RAI1: variants seen among roughly 807,000 people sequenced by gnomAD.
RAI1 encodes retinoic acid-induced protein 1.
RAI1 carries 9 observed loss-of-function variants against 123.8 expected under a neutral mutation model. The ratio of observed to expected loss-of-function variants is 0.07; its 90% CI spans 0.04 to 0.13. The LOEUF (loss-of-function observed/expected upper bound fraction) is 0.13, where lower values mean the gene tolerates loss of function less well. Among genes scored for constraint, RAI1 ranks in the 10% least tolerant of loss-of-function variants. The probability of loss-of-function intolerance (pLI) is 1.00; values close to 1 mark genes in which losing one functional copy is unlikely to be tolerated. For synonymous variants in RAI1, 1,231 were observed against 1,127.3 expected, an observed-to-expected ratio of 1.09 and a Z score of -1.84; for missense variants, 2,256 against 2,545.8, an observed-to-expected ratio of 0.89 and a Z score of 2.45.
intron 2 of RAI1, among the ~76,000 whole-genome samples, chr17:17,782,699 G>A (rs2031638440): frequency 6.7e-6 from 1 of 150,266 alleles, no homozygotes; most frequent in African/African-American, 2.4e-5. Flanking sequence ...GAAGGGCGGG[G>A]GCGGGGCTGT....
intron 2 of RAI1, among the ~76,000 whole-genome samples, chr17:17,750,665 A>T (rs1338526228): frequency 7.5e-6 from 1 of 133,444 alleles, no homozygotes; most frequent in Non-Finnish European, 1.6e-5. Flanking sequence ...AGGTGAGCTG[A>T]GATTGCACCA....
chr17:17,796,954 A>G lies in RAI1; in HGVS notation c.4006A>G (p.Ile1336Val). Residue 1336 changes from isoleucine to valine, a missense_variant, in exon 3 of 6, where the codon ATC becomes GTC. Physicochemically the swap from Ile to Val is conservative, Grantham distance 29. Coordinates refer to ENST00000353383, the MANE Select transcript of RAI1 (RefSeq NM_030665.4). This position sits in a 1 kb window ranked among gnomAD's most constrained non-coding sequence, Gnocchi z 5.8. ...GAAGCTGGAAGCCATCGTGCAGAAG[A>G]TCACCTCGCCCAGCCTCAAGAAGTT... Reference protein sequence around the residue: ...GLKLEAIVQKITSPSLKKFAC... With the variant: ...GLKLEAIVQKVTSPSLKKFAC... The G allele has an allele frequency of 6.2e-7, 1 of 1,613,624 alleles. No individual in the cohort carries two copies. Among genetic ancestry groups the G allele is most frequent in the Non-Finnish European group, 8.5e-7 (1 of 1,180,018 alleles).
intron 1 of RAI1, chr17:17,684,650 C>G (rs1914559194): frequency 7.0e-6 from 1 of 143,844 alleles, no homozygotes; most frequent in Non-Finnish European, 1.5e-5. Context: ...TCCTTCCAGA[C>G]TTTTTGTTAC....
intron 1 of RAI1, among the ~76,000 whole-genome samples, chr17:17,711,316 C>T (rs1915560585): frequency 1.3e-5 from 2 of 152,330 alleles, no homozygotes; most frequent in South Asian, 4.1e-4. Flanking sequence ...TCTTTGTGTC[C>T]CCGAGGCATC....
intron 2 of RAI1, among the ~76,000 whole-genome samples, chr17:17,730,143 C>G (rs1916220524): frequency 6.6e-6 from 1 of 152,210 alleles, no homozygotes; most frequent in Admixed American, 6.5e-5. Flanking sequence ...TGCGCTGGGT[C>G]ATCCCTGCAA....
chr17:17,750,577 C>T (rs539576101), intron 2 of RAI1, among the ~76,000 whole-genome samples: 8 of 150,582 alleles, frequency 5.3e-5, no homozygotes, highest in Admixed American at 2.0e-4. Flanking sequence ...CAAAATTAGC[C>T]GGGCATGGTG....
Position 17,798,330 on chromosome 17 carries a change from G to A in RAI1, c.5382G>A (p.Glu1794=), listed in dbSNP as rs755305647. 6.3e-7 allele frequency: 1 copy of A among 1,599,938 alleles called. No individual in the cohort carries two copies. The highest frequency in any genetic ancestry group is 1.1e-5 in the South Asian group (1 of 89,812). ...YCCDGREDGG[E]EAAPADKGRK... ...GTGATGGCCGGGAGGATGGGGGCGA[G>A]GAGGCAGCCCCAGCCGACAAGGGTC... Residue 1794 remains glutamate (E), a synonymous_variant, in exon 3 of 6, where the codon GAG becomes GAA. Transcript: ENST00000353383.
intron 2 of RAI1, among the ~76,000 whole-genome samples, chr17:17,729,623 G>C (rs1300118866): frequency 6.6e-6 from 1 of 152,252 alleles, no homozygotes; most frequent in Admixed American, 6.5e-5. Context: ...ACTGACAAGA[G>C]AGTAAGGAAA....
intron 1 of RAI1, among the ~76,000 whole-genome samples, chr17:17,719,069 C>T (rs1049747655): frequency 6.6e-6 from 1 of 152,186 alleles, no homozygotes; most frequent in Admixed American, 6.5e-5. Context: ...TCTCATCGGC[C>T]CCACCCTGGC....
At chr17:17,768,388 C>T (rs2031019447) in intron 2 of RAI1, among the ~76,000 whole-genome samples, 1 of 152,222 alleles carries the variant, frequency 6.6e-6, no homozygotes, top group South Asian at 2.1e-4. Context: ...TCTGAGGCCA[C>T]TCTTAACAAG....
At position 17,801,020 on chromosome 17, in the gene RAI1, T is replaced by C. The variant is rs1252292484; in HGVS notation, c.5565+2507T>C. Among the ~76,000 whole-genome samples, 2 of 152,180 alleles carry C rather than the reference T, an allele frequency of 1.3e-5. No individual in the cohort carries two copies. The highest frequency in any genetic ancestry group is 2.9e-5 in the Non-Finnish European group (2 of 68,012). On this transcript the variant is annotated intron_variant, in intron 3 of 5. Coordinates refer to ENST00000353383, the MANE Select transcript of RAI1 (RefSeq NM_030665.4). This position sits in a 1 kb window ranked among gnomAD's most constrained non-coding sequence, Gnocchi z 4.1. The stretch of plus-strand genomic sequence containing the variant: ...GTGGAAGGGGCTTGGGGTGCAGCTG[T>C]GTCCCTGGCCCCAGCACTGCCACAC...
rs757905530 is a variant in RAI1, at chr17:17,793,711, T to C, written c.763T>C (p.Ser255Pro). The change falls in exon 3 of 6, where the codon TCC becomes CCC. Residue 255 changes from serine to proline, a missense_variant. Physicochemically the swap from Ser to Pro is moderately conservative, Grantham distance 74. Coordinates refer to ENST00000353383, the MANE Select transcript of RAI1 (RefSeq NM_030665.4). Reference sequence around the variant, plus strand: ...CCATGACAGGCCGCTGACTGCCAGCTCCAGCCTGGCCCCGGGGCAGCGGGT... The same window carrying C: ...CCATGACAGGCCGCTGACTGCCAGCCCCAGCCTGGCCCCGGGGCAGCGGGT... ...QPHDRPLTAS[S>P]SLAPGQRVQN... 2 of 1,612,932 alleles carry C rather than the reference T, an allele frequency of 1.2e-6. No individual in the cohort carries two copies. The highest frequency in any genetic ancestry group is 1.7e-6 in the Non-Finnish European group (2 of 1,180,016).
chr17:17,805,017 C>G (rs1336378680), intron 4 of RAI1, among the ~76,000 whole-genome samples: 1 of 152,148 alleles, frequency 6.6e-6, no homozygotes, highest in Non-Finnish European at 1.5e-5. Context: ...CGTGCACCAC[C>G]ACGCTCAGCT....
At position 17,800,180 on chromosome 17, in the gene RAI1, G is replaced by GTGTCTCTCTCTCTCTCTCTC. The variant is rs1407505001; in HGVS notation, c.5565+1668_5565+1669insGTCTCTCTCTCTCTCTCTCT. Among the ~76,000 whole-genome samples, 11 of 116,318 alleles carry GTGTCTCTCTCTCTCTCTCTC rather than the reference G, an allele frequency of 9.5e-5. No individual in the cohort carries two copies. The highest frequency in any genetic ancestry group is 3.3e-4 in the African/African-American group (11 of 33,338). 76.3% of individuals were successfully genotyped at this position (116,318 alleles called of 152,430 possible). On this transcript the variant is annotated intron_variant, in intron 3 of 5. Transcript: ENST00000353383. This position sits in a 1 kb window ranked among gnomAD's most constrained non-coding sequence, Gnocchi z 4.7. The stretch of plus-strand genomic sequence containing the variant: ...TCTCTCCTGCTTTCTGTCTCTCTCT[G>GTGTCTCTCTCTCTCTCTCTC]TCTCTCTCTCTCTCTCTCTCTCTCT...
At position 17,795,042 on chromosome 17, in the gene RAI1, C is replaced by T; in HGVS notation, c.2094C>T (p.Asp698=). 1.9e-6 allele frequency: 3 copies of T among 1,614,140 alleles called. No individual in the cohort carries two copies. The highest frequency in any genetic ancestry group is 1.1e-5 in the South Asian group (1 of 91,088). Reference sequence around the variant, plus strand: ...CTTCCGTGGCCTTCGCTACGCCTGACCCCAAAAAGACAACTGGTCCTCTCT... The same window carrying T: ...CTTCCGTGGCCTTCGCTACGCCTGATCCCAAAAAGACAACTGGTCCTCTCT... ...EDPSVAFATP[D]PKKTTGPLSF... Residue 698 remains aspartate (D), a synonymous_variant, in exon 3 of 6, where the codon GAC becomes GAT. Transcript: ENST00000353383. This position sits in a 1 kb window ranked among gnomAD's most constrained non-coding sequence, Gnocchi z 5.9.
At chr17:17,683,389 AC>A (rs750516227) in intron 1 of RAI1, among the ~76,000 whole-genome samples, 4 of 151,816 alleles carry the variant, frequency 2.6e-5, no homozygotes, top group Non-Finnish European at 5.9e-5. Context: ...GGTCAGGCCC[AC>A]CCCAGGTGGG....
intron 2 of RAI1, among the ~76,000 whole-genome samples, chr17:17,730,707 G>T (rs1425054057): frequency 2.6e-5 from 4 of 152,226 alleles, no homozygotes; most frequent in Admixed American, 2.6e-4. Flanking sequence ...GAGCTCCCCT[G>T]CCCAAGTCTA....
intron 2 of RAI1, among the ~76,000 whole-genome samples, chr17:17,731,997 G>A (rs961731533): frequency 6.6e-6 from 1 of 151,902 alleles, no homozygotes; most frequent in Admixed American, 6.6e-5. Context: ...TGGGGGAGGT[G>A]GTGGTGGGGG....
At chr17:17,720,676 A>G (rs1915852164) in intron 1 of RAI1, among the ~76,000 whole-genome samples, 1 of 152,156 alleles carries the variant, frequency 6.6e-6, no homozygotes, top group African/African-American at 2.4e-5. Flanking sequence ...TGAGAGTCGG[A>G]TGGGATCCGA....
Sources: allele counts gnomAD v4.1 joint callset (sites outside exome capture counted in the v4.1 genomes callset), GRCh38; gene constraint gnomAD v4.1.1; non-coding constraint Gnocchi (gnomAD v3.1); transcripts MANE v1.5; gene names NCBI Gene and HGNC (gene_info 2026-07-23, HGNC 2026-07-21).